Variants in CFAP92 observed in about 807,000 individuals in gnomAD.
CFAP92 encodes cilia and flagella associated protein 92 (putative), also known as uncharacterized protein CFAP92.
Under a neutral mutation model 106.3 loss-of-function variants are expected in CFAP92, and 86 were observed. That is an observed-to-expected ratio of 0.81 (90% confidence interval 0.68 to 0.97). The LOEUF (loss-of-function observed/expected upper bound fraction) is 0.97, where lower values mean the gene tolerates loss of function less well. CFAP92 is among the 50% of genes least tolerant of loss of function. The pLI is 0.00. For missense variants in CFAP92, 1,204 were observed against 1,283.8 expected (o/e 0.94, Z 0.95); for synonymous variants, 477 against 506.4 (o/e 0.94, Z 0.78).
the CFAP92 span, among the ~76,000 whole-genome samples, chr3:129,009,381 C>A: frequency 6.6e-6 from 1 of 152,198 alleles, no homozygotes; most frequent in Non-Finnish European, 1.5e-5. Context: ...CTGGCAAATT[C>A]TCTCCCCCAG....
chr3:129,008,459 G>T, the CFAP92 span, among the ~76,000 whole-genome samples: 1 of 152,224 alleles, frequency 6.6e-6, no homozygotes, highest in Non-Finnish European at 1.5e-5. Flanking sequence ...ATTTGTAGAT[G>T]GAAGAGGGGC....
chr3:129,015,093 C>T, the CFAP92 span, among the ~76,000 whole-genome samples: 9 of 152,210 alleles, frequency 5.9e-5, no homozygotes, highest in Non-Finnish European at 1.0e-4. Context: ...CCAGATCCCA[C>T]CTCGGGCTCG....
intron 10 of CFAP92, among the ~76,000 whole-genome samples, chr3:128,939,807 G>A (rs1027361067): frequency 3.9e-5 from 6 of 152,158 alleles, no homozygotes; most frequent in East Asian, 1.9e-4. Flanking sequence ...TAAGGAATGC[G>A]CAACCTAGGT....
At chr3:128,935,914 A>T (rs556554173) in intron 10 of CFAP92, among the ~76,000 whole-genome samples, 2 of 152,364 alleles carry the variant, frequency 1.3e-5, no homozygotes, top group South Asian at 4.1e-4. Flanking sequence ...GGATAGAAAA[A>T]AAACAAAAGG....
chr3:128,939,417 C>T lies in CFAP92; in HGVS notation c.2259-4098G>A, dbSNP rs952374764. Among the ~76,000 whole-genome samples, 8 of 152,238 alleles carry T rather than the reference C, an allele frequency of 5.3e-5. No homozygotes were observed. In the East Asian group the frequency reaches 5.8e-4, roughly 11 times the overall value. On this transcript the variant is annotated intron_variant, in intron 10 of 15. Transcript: ENST00000645291. The stretch of plus-strand genomic sequence containing the variant: ...CCTCCCAAAGTGCTGAGATTACAGG[C>T]GTGAGCCACTGTGCCCAGCCTAGAG...
At position 128,912,828 on chromosome 3, in the gene CFAP92, C is replaced by T. The variant is rs189130789; in HGVS notation, c.3280+2291G>A. On this transcript the variant is annotated intron_variant, in intron 15 of 15. Transcript: ENST00000645291. ...GACCATCACAGCTTCTGAACTGAGCCGGAGAGAGAGAATGGAATTGCTGAC... is the reference window on the plus strand; with the variant it reads ...GACCATCACAGCTTCTGAACTGAGCTGGAGAGAGAGAATGGAATTGCTGAC... 2.8e-4 allele frequency: 195 copies of T among 699,164 alleles called. No individual in the cohort carries two copies. The highest frequency in any genetic ancestry group is 9.2e-4 in the South Asian group (67 of 73,146). The allele number at this position is 699,164 out of a possible 1,614,324, so 43.3% of individuals were successfully genotyped here. A position where few individuals can be genotyped will look rare whatever the true frequency, so the allele number is the denominator to read the frequency against.
At chr3:129,001,584 A>C in intron 1 of CFAP92, 1 of 1,345,966 alleles carries the variant, frequency 7.4e-7, no homozygotes, top group Non-Finnish European at 9.5e-7. Flanking sequence ...GGCGGGGCGA[A>C]GGGACCGGAG....
chr3:128,913,319 G>A (rs1382483793), intron 15 of CFAP92, among the ~76,000 whole-genome samples: 1 of 152,224 alleles, frequency 6.6e-6, no homozygotes, highest in Non-Finnish European at 1.5e-5. Context: ...CTTCTCAGGA[G>A]ATGATGGGGA....
intron 7 of CFAP92, among the ~76,000 whole-genome samples, chr3:128,972,896 A>G (rs950585866): frequency 6.6e-6 from 1 of 151,796 alleles, no homozygotes; most frequent in Non-Finnish European, 1.5e-5. Flanking sequence ...ATGTTTCACT[A>G]TGTTGCCAAA....
At chr3:128,980,681 C>A (rs1943473767) in intron 4 of CFAP92, among the ~76,000 whole-genome samples, 1 of 152,236 alleles carries the variant, frequency 6.6e-6, no homozygotes, top group Non-Finnish European at 1.5e-5. Context: ...ATCCTATTGT[C>A]ATTTCAACAA....
upstream of CFAP92, chr3:129,003,908 G>C (rs986963883): frequency 5.3e-5 from 71 of 1,351,148 alleles, no homozygotes; most frequent in Non-Finnish European, 6.1e-5. Context: ...GGAGGCCCGC[G>C]CTGGGCGGCT....
chr3:129,002,958 C>T (rs1451265913), upstream of CFAP92, among the ~76,000 whole-genome samples: 1 of 152,164 alleles, frequency 6.6e-6, no homozygotes, highest in African/African-American at 2.4e-5. Context: ...GAGATAGGGA[C>T]CCAGCCTTAG....
At chr3:129,018,726 C>G in the CFAP92 span, among the ~76,000 whole-genome samples, 1 of 152,232 alleles carries the variant, frequency 6.6e-6, no homozygotes, top group African/African-American at 2.4e-5. Context: ...ACACGCCTTC[C>G]TGCCCTTCAG....
intron 9 of CFAP92, among the ~76,000 whole-genome samples, chr3:128,958,411 A>G (rs1041516949): frequency 7.2e-5 from 11 of 152,220 alleles, no homozygotes; most frequent in Admixed American, 1.3e-4. Flanking sequence ...GCACAGACCT[A>G]TATACACATT....
At chr3:129,013,102 C>A in the CFAP92 span, among the ~76,000 whole-genome samples, 2 of 152,166 alleles carry the variant, frequency 1.3e-5, no homozygotes, top group Admixed American at 6.5e-5. Context: ...TTTCACATGA[C>A]CTGGCCTAAG....
intron 1 of CFAP92, chr3:129,002,414 T>G: frequency 7.0e-7 from 1 of 1,431,044 alleles, no homozygotes. Context: ...CAGGACAGAG[T>G]CAGAGGAAGG....
At chr3:128,978,019 T>C (rs1943269465) in intron 5 of CFAP92, 26 bp downstream of exon 5, 1 of 1,613,374 alleles carries the variant, frequency 6.2e-7, no homozygotes, top group Non-Finnish European at 8.5e-7. Context: ...GCACTCAGCT[T>C]GTCCACAAAG....
intron 5 of CFAP92, 125 bp from the exon 6 acceptor site, chr3:128,977,191 G>A: frequency 1.4e-6 from 1 of 702,114 alleles, no homozygotes; most frequent in South Asian, 1.6e-5. Flanking sequence ...GGTAAGGCCT[G>A]GGATATTGTT....
chr3:128,911,473 A>T (rs1936313823), intron 15 of CFAP92, among the ~76,000 whole-genome samples: 3 of 150,990 alleles, frequency 2.0e-5, no homozygotes, highest in Admixed American at 6.6e-5. Context: ...TCACTTTGTC[A>T]CCCAGGCTGG....
Sources: allele counts gnomAD v4.1 joint callset (sites outside exome capture counted in the v4.1 genomes callset), GRCh38; gene constraint gnomAD v4.1.1; transcripts MANE v1.5; gene names NCBI Gene and HGNC (gene_info 2026-07-23, HGNC 2026-07-21).